Variants in ITGB3BP observed in about 807,000 individuals in gnomAD.
The protein encoded by ITGB3BP is centromere protein R.
In ITGB3BP, 27 loss-of-function variants were observed where a neutral mutation model predicts 29.1. That is an observed-to-expected ratio of 0.93 (90% CI 0.68 to 1.28). The LOEUF is 1.28. Ranked by LOEUF, ITGB3BP falls within the 50% of genes most tolerant of loss-of-function variation. The probability of loss-of-function intolerance (pLI) is 0.00; values close to 1 mark genes in which losing one functional copy is unlikely to be tolerated. For synonymous variants in ITGB3BP, 61 were observed against 61.4 expected, an observed-to-expected ratio of 0.99 and a Z score of 0.03; for missense variants, 192 against 200.2, an observed-to-expected ratio of 0.96 and a Z score of 0.25.
intron 1 of ITGB3BP, among the ~76,000 whole-genome samples, chr1:63,518,007 G>C (rs963721964): frequency 1.3e-5 from 2 of 152,198 alleles, no homozygotes; most frequent in Admixed American, 6.5e-5. Context: ...ACCGGCATGA[G>C]CCACTGGGCC....
chr1:63,473,117 C>A (rs1645239571), intron 4 of ITGB3BP, among the ~76,000 whole-genome samples: 1 of 151,522 alleles, frequency 6.6e-6, no homozygotes, highest in Admixed American at 6.6e-5. Flanking sequence ...GGGAGCACCT[C>A]TGCCCTGCCG....
chr1:63,528,679 C>A (rs1646640869), intron 2 of ITGB3BP, among the ~76,000 whole-genome samples: 1 of 151,836 alleles, frequency 6.6e-6, no homozygotes, highest in Admixed American at 6.6e-5. Flanking sequence ...TATACACCTA[C>A]TATGTATCTC....
chr1:63,516,582 C>T (rs1646333546), intron 1 of ITGB3BP, among the ~76,000 whole-genome samples: 1 of 151,360 alleles, frequency 6.6e-6, no homozygotes, highest in Non-Finnish European at 1.5e-5. Flanking sequence ...TGGTGGTGTA[C>T]ACCTGTAGTC....
chr1:63,472,364 CAA>C (rs1196554276), intron 4 of ITGB3BP, among the ~76,000 whole-genome samples: 1 of 118,544 alleles, frequency 8.4e-6, no homozygotes. Context: ...GATATTTTTG[CAA>C]AAAAAAAAAA....
At chr1:63,484,985 T>G (rs986446884) in intron 3 of ITGB3BP, among the ~76,000 whole-genome samples, 2 of 152,102 alleles carry the variant, frequency 1.3e-5, no homozygotes, top group African/African-American at 4.8e-5. Context: ...CAATAAATCC[T>G]TTTAGGCATA....
intron 2 of ITGB3BP, among the ~76,000 whole-genome samples, chr1:63,494,186 C>T (rs1349365770): frequency 2.0e-5 from 3 of 152,034 alleles, no homozygotes; most frequent in Non-Finnish European, 4.4e-5. Flanking sequence ...GTCTTCCGGA[C>T]TGGAGTGCAG....
intron 7 of ITGB3BP, 62 bp from the exon 8 acceptor site, chr1:63,446,918 T>C: frequency 3.4e-6 from 4 of 1,187,006 alleles, no homozygotes; most frequent in Non-Finnish European, 5.0e-6. Context: ...TGCCACAGTA[T>C]ATGATGCAGA....
intron 4 of ITGB3BP, among the ~76,000 whole-genome samples, chr1:63,471,335 G>A (rs949762487): frequency 2.6e-4 from 38 of 144,054 alleles, no homozygotes; most frequent in African/African-American, 7.0e-4. Flanking sequence ...GCACGATCTC[G>A]GCTCACTGCA....
At chr1:63,461,411 T>TAA (rs968434769) in intron 4 of ITGB3BP, among the ~76,000 whole-genome samples, 1 of 152,180 alleles carries the variant, frequency 6.6e-6, no homozygotes, top group African/African-American at 2.4e-5. Flanking sequence ...TCCCATTCTG[T>TAA]GCTTTGCCTT....
intron 1 of ITGB3BP, among the ~76,000 whole-genome samples, chr1:63,509,852 T>G (rs1389012459): frequency 6.6e-6 from 1 of 152,194 alleles, no homozygotes; most frequent in Non-Finnish European, 1.5e-5. Flanking sequence ...GAATACATAT[T>G]GCCCTATTTG....
chr1:63,491,790 TTTAAAAAATCAAA>T (rs1467728459), intron 2 of ITGB3BP, among the ~76,000 whole-genome samples: 49 of 152,340 alleles, frequency 3.2e-4, no homozygotes, highest in African/African-American at 1.0e-3. Flanking sequence ...ATGAATATCT[TTTAAAAAATCAAA>T]CTATAATATC....
intron 1 of ITGB3BP, among the ~76,000 whole-genome samples, chr1:63,518,064 T>C (rs1248235631): frequency 1.3e-5 from 2 of 152,208 alleles, no homozygotes; most frequent in Admixed American, 1.3e-4. Context: ...TTTCTGTGTG[T>C]GCTTTTTTGA....
At position 63,502,346 on chromosome 1, in the gene ITGB3BP, G is replaced by A. The variant is rs12084889; in HGVS notation, c.48+6182C>T. Among the ~76,000 whole-genome samples, 1,471 of 152,126 alleles carry A rather than the reference G, an allele frequency of 9.7e-3. 23 individuals are homozygous for A. Among genetic ancestry groups the A allele is most frequent in the African/African-American group, 0.033 (1,359 of 41,470 alleles). On this transcript the variant is annotated intron_variant, in intron 2 of 8. Transcript: ENST00000271002. ...CCGTATATTATAGGAAGAACACAGGGTATGGTCCATATCTCTGCTTCCCTC... is the reference window on the plus strand; with the variant it reads ...CCGTATATTATAGGAAGAACACAGGATATGGTCCATATCTCTGCTTCCCTC...
intron 4 of ITGB3BP, among the ~76,000 whole-genome samples, chr1:63,463,198 A>G (rs1259554702): frequency 6.7e-6 from 1 of 150,202 alleles, no homozygotes; most frequent in African/African-American, 2.5e-5. Context: ...GCAGTGAGCC[A>G]AGATCATGCC....
Position 63,454,330 on chromosome 1 carries a change from A to G in ITGB3BP, c.427+50T>C. ...CTATCAAATGTAAATGAGACAAATT[A>G]ATAGGTTTATCTTTAAAATTACTGT... On this transcript the variant is annotated intron_variant, in intron 6 of 8. Coordinates refer to ENST00000271002, the MANE Select transcript of ITGB3BP (RefSeq NM_014288.5). The surrounding 1 kb of genome is among the most constrained non-coding windows in gnomAD (Gnocchi z 4.1). 1.1e-6 allele frequency: 1 copy of G among 908,310 alleles called. No individual in the cohort carries two copies. Among genetic ancestry groups the G allele is most frequent in the Non-Finnish European group, 1.8e-6 (1 of 564,732 alleles). 56.3% of individuals were successfully genotyped at this position (908,310 alleles called of 1,614,324 possible).
At chr1:63,446,883 T>G in intron 7 of ITGB3BP, 27 bp from the exon 8 acceptor site, 1 of 1,562,318 alleles carries the variant, frequency 6.4e-7, no homozygotes, top group Non-Finnish European at 8.7e-7. Context: ...AGGTTTTTTT[T>G]TTCAGAAAAC....
chr1:63,516,327 G>C (rs1445649447), intron 1 of ITGB3BP, among the ~76,000 whole-genome samples: 1 of 95,490 alleles, frequency 1.0e-5, no homozygotes, highest in Non-Finnish European at 2.3e-5. Context: ...AGAGGAGAGG[G>C]GAGGGGAAGG....
chr1:63,486,558 A>C (rs1645534892), intron 3 of ITGB3BP, among the ~76,000 whole-genome samples: 1 of 152,120 alleles, frequency 6.6e-6, no homozygotes, highest in South Asian at 2.1e-4. Flanking sequence ...AGTATTGTAA[A>C]GTATTAATAC....
intron 2 of ITGB3BP, among the ~76,000 whole-genome samples, chr1:63,498,010 A>G (rs1282390729): frequency 6.6e-6 from 1 of 152,218 alleles, no homozygotes; most frequent in African/African-American, 2.4e-5. Context: ...AAGATATACA[A>G]TTATAAACAT....
Sources: allele counts gnomAD v4.1 joint callset (sites outside exome capture counted in the v4.1 genomes callset), GRCh38; gene constraint gnomAD v4.1.1; non-coding constraint Gnocchi (gnomAD v3.1); transcripts MANE v1.5; gene names NCBI Gene and HGNC (gene_info 2026-07-23, HGNC 2026-07-21).